SUGCT: variants seen among roughly 807,000 people sequenced by gnomAD.
SUGCT encodes succinyl-CoA:glutarate CoA-transferase.
Under a neutral mutation model 55.0 loss-of-function variants are expected in SUGCT, and 41 were observed. The observed-to-expected ratio is 0.74, with a 90% CI of 0.58 to 0.97. The LOEUF (loss-of-function observed/expected upper bound fraction) is 0.97, where lower values mean the gene tolerates loss of function less well. Among genes scored for constraint, SUGCT ranks in the 50% least tolerant of loss-of-function variants. The pLI is 0.00. For missense variants in SUGCT, 568 were observed against 547.8 expected, an observed-to-expected ratio of 1.04 and a Z score of -0.37; for synonymous variants, 187 against 200.4, an observed-to-expected ratio of 0.93 and a Z score of 0.56.
At position 40,366,576 on chromosome 7, in the gene SUGCT, C is replaced by G. The variant is rs1311851666; in HGVS notation, c.816+49721C>G. 1.2e-4 allele frequency among the ~76,000 whole-genome samples: 18 copies of G among 152,176 alleles called. No homozygotes were observed. The South Asian group carries it at 2.5e-3, about 21-fold the overall frequency. On this transcript the variant is annotated intron_variant, in intron 9 of 13. Coordinates refer to ENST00000335693, the MANE Select transcript of SUGCT (RefSeq NM_001193313.2). ...ATCAAACAAATTTACAAGAAAAAAA[C>G]AAACAATCCCATCAAAAAGTGGGCG...
intron 9 of SUGCT, among the ~76,000 whole-genome samples, chr7:40,411,298 C>A (rs915410201): frequency 2.6e-5 from 4 of 152,166 alleles, no homozygotes; most frequent in Non-Finnish European, 4.4e-5. Flanking sequence ...GAGGCTGAGG[C>A]AAGAGCATCG....
intron 11 of SUGCT, among the ~76,000 whole-genome samples, chr7:40,462,766 C>T (rs1437422380): frequency 6.6e-6 from 1 of 152,116 alleles, no homozygotes; most frequent in Non-Finnish European, 1.5e-5. Flanking sequence ...CCTGAATTTT[C>T]ATTTGGTAAC....
rs1000024385 is a variant in SUGCT at position 40,197,939 on chromosome 7, A to G, written c.484+2879A>G. Among the ~76,000 whole-genome samples the G allele has an allele frequency of 3.3e-5, 5 of 152,216 alleles. No homozygotes were observed. The East Asian group carries it at 9.6e-4, about 29-fold the overall frequency. ...AGTTCTTCTGGGCCTTGACTTAATG[A>G]TTGGAGAGTCTCTAAGTTTTCTTAC... On this transcript the variant is annotated intron_variant, in intron 6 of 13. Transcript: ENST00000335693.
At chr7:40,890,123 A>G in the SUGCT span, among the ~76,000 whole-genome samples, 1 of 150,864 alleles carries the variant, frequency 6.6e-6, no homozygotes, top group Non-Finnish European at 1.5e-5. Flanking sequence ...TAATGAGGAG[A>G]CAGGTGAGCA....
At chr7:41,000,783 GA>G in the SUGCT span, among the ~76,000 whole-genome samples, 1 of 152,178 alleles carries the variant, frequency 6.6e-6, no homozygotes, top group Non-Finnish European at 1.5e-5. Context: ...CCGGAGAAAA[GA>G]TGGGGCCCTT....
chr7:40,665,691 C>A (rs1801593042), intron 12 of SUGCT, among the ~76,000 whole-genome samples: 1 of 151,768 alleles, frequency 6.6e-6, no homozygotes, highest in African/African-American at 2.4e-5. Context: ...GGACCAAAAC[C>A]ATTTTGCAGC....
chr7:40,649,189 A>AT (rs565111362), intron 12 of SUGCT, among the ~76,000 whole-genome samples: 1 of 151,740 alleles, frequency 6.6e-6, no homozygotes, highest in Admixed American at 6.6e-5. Flanking sequence ...TTTTCAAAAT[A>AT]TTTTTTTTCC....
chr7:40,997,075 T>C, the SUGCT span, among the ~76,000 whole-genome samples: 1 of 152,144 alleles, frequency 6.6e-6, no homozygotes, highest in African/African-American at 2.4e-5. Context: ...TGGCACCCCA[T>C]GAAAACCTGG....
intron 11 of SUGCT, among the ~76,000 whole-genome samples, chr7:40,487,998 T>A (rs1163176523): frequency 1.3e-5 from 2 of 151,408 alleles, no homozygotes; most frequent in Non-Finnish European, 2.9e-5. Context: ...TATTTATTTT[T>A]AATTCATTCA....
At chr7:40,165,793 A>G (rs1212744078) in intron 1 of SUGCT, among the ~76,000 whole-genome samples, 2 of 152,108 alleles carry the variant, frequency 1.3e-5, no homozygotes, top group Admixed American at 6.6e-5. Context: ...ATGTGACTGT[A>G]TAATACATAT....
At chr7:40,221,550 G>A (rs1788028119) in intron 6 of SUGCT, among the ~76,000 whole-genome samples, 1 of 147,170 alleles carries the variant, frequency 6.8e-6, no homozygotes, top group Non-Finnish European at 1.5e-5. Flanking sequence ...GAGTACAGTG[G>A]CATGAACTTG....
At chr7:40,565,379 G>A (rs898501934) in intron 12 of SUGCT, among the ~76,000 whole-genome samples, 2 of 152,214 alleles carry the variant, frequency 1.3e-5, no homozygotes, top group African/African-American at 2.4e-5. Flanking sequence ...GCAAAGTAAA[G>A]GGAATATGGC....
chr7:40,653,913 T>C (rs1800895794), intron 12 of SUGCT, among the ~76,000 whole-genome samples: 1 of 151,946 alleles, frequency 6.6e-6, no homozygotes. Context: ...TGTGACACAG[T>C]AGCAAGTACA....
the SUGCT span, among the ~76,000 whole-genome samples, chr7:40,950,227 G>A: frequency 6.6e-6 from 1 of 152,170 alleles, no homozygotes; most frequent in South Asian, 2.1e-4. Flanking sequence ...AATCGTGAAT[G>A]GGATTTCACT....
chr7:40,909,060 C>G, the SUGCT span, among the ~76,000 whole-genome samples: 1 of 152,052 alleles, frequency 6.6e-6, no homozygotes, highest in Non-Finnish European at 1.5e-5. Flanking sequence ...GTTTTTTCCC[C>G]ACTTTATTGT....
chr7:40,206,464 A>T (rs945645679), intron 6 of SUGCT, among the ~76,000 whole-genome samples: 11 of 152,188 alleles, frequency 7.2e-5, no homozygotes, highest in Non-Finnish European at 1.5e-5. Flanking sequence ...AAGATCAGGG[A>T]TTTTGATGGA....
intron 13 of SUGCT, among the ~76,000 whole-genome samples, chr7:40,779,163 G>A (rs1232189024): frequency 6.6e-6 from 1 of 152,112 alleles, no homozygotes; most frequent in Non-Finnish European, 1.5e-5. Flanking sequence ...TTCCTCATCT[G>A]CAAAATGGGA....
chr7:40,438,824 C>G (rs570853247), intron 9 of SUGCT, among the ~76,000 whole-genome samples: 1 of 151,356 alleles, frequency 6.6e-6, no homozygotes, highest in Non-Finnish European at 1.5e-5. Flanking sequence ...GTGAGGCAAC[C>G]AACAGAATGA....
At chr7:40,504,246 AAAACAAAC>A (rs143157340) in intron 12 of SUGCT, among the ~76,000 whole-genome samples, 9,334 of 152,024 alleles carry the variant, frequency 0.061, 932 homozygotes, top group African/African-American at 0.21. Context: ...TCTTTTTTAA[AAAACAAAC>A]AAACAAACAA....
Sources: allele counts gnomAD v4.1 joint callset (sites outside exome capture counted in the v4.1 genomes callset), GRCh38; gene constraint gnomAD v4.1.1; transcripts MANE v1.5; gene names NCBI Gene and HGNC (gene_info 2026-07-23, HGNC 2026-07-21).